The following CAV2 variants were observed in gnomAD, a reference collection of about 807,000 sequenced individuals.
The protein encoded by CAV2 is caveolin-2.
In CAV2, 7 loss-of-function variants were observed where a neutral mutation model predicts 15.5. The ratio of observed to expected loss-of-function variants is 0.45; its 90% CI spans 0.26 to 0.85. The LOEUF is 0.85. CAV2 is among the 40% of genes least tolerant of loss of function. The pLI is 0.18. For synonymous variants in CAV2, 76 were observed against 83.1 expected (o/e 0.91, Z 0.46); for missense variants, 229 against 208.8 (o/e 1.10, Z -0.60).
chr7:116,500,524 C>G (rs1793079151), intron 2 of CAV2, 77 bp downstream of exon 2: 1 of 1,413,598 alleles, frequency 7.1e-7, no homozygotes. Flanking sequence ...CTACTCTCCT[C>G]TTATCCCAGG....
At chr7:116,505,853 C>A in intron 2 of CAV2, 118 bp from the exon 3 acceptor site, 1 of 652,492 alleles carries the variant, frequency 1.5e-6, no homozygotes. Context: ...TTATTTGTTT[C>A]AAACTCTCAA....
chr7:116,506,036 G>A lies in CAV2; in HGVS notation c.404G>A (p.Ser135Asn), dbSNP rs1169887490. 1.9e-6 allele frequency: 3 copies of A among 1,613,654 alleles called. No individual in the cohort carries two copies. Among genetic ancestry groups the A allele is most frequent in the African/African-American group, 1.3e-5 (1 of 74,900 alleles). The change falls in exon 3 of 3, where the codon AGT (serine) becomes AAT (asparagine). Residue 135 changes from serine (S) to asparagine (N), a missense_variant. Transcript: ENST00000222693. ...VLPSVQTIWK[S>N]VTDVIIAPLC... ...CCTTCAGTGCAGACAATATGGAAGAGTGTGACAGATGTTATCATTGCTCCA... is the reference window on the plus strand; with the variant it reads ...CCTTCAGTGCAGACAATATGGAAGAATGTGACAGATGTTATCATTGCTCCA...
rs1415542662 is a variant in CAV2, at chr7:116,499,806, G to A, written c.25G>A (p.Asp9Asn). Reference sequence around the variant, plus strand: ...GATGGGGCTGGAGACGGAGAAGGCGGACGTACAGCTCTTCATGGACGACGA... The same window carrying A: ...GATGGGGCTGGAGACGGAGAAGGCGAACGTACAGCTCTTCATGGACGACGA... MGLETEKA[D>N]VQLFMDDDSY... Residue 9 changes from aspartate to asparagine, a missense_variant, in exon 1 of 3, where the codon GAC (aspartate) becomes AAC (asparagine). By Grantham distance (23) the Asp-to-Asn change is conservative. Coordinates refer to ENST00000222693, the MANE Select transcript of CAV2 (RefSeq NM_001233.5). The A allele has an allele frequency of 1.9e-6, 3 of 1,588,936 alleles. No homozygotes were observed. The highest frequency in any genetic ancestry group is 1.3e-5 in the African/African-American group (1 of 74,118).
intron 2 of CAV2, among the ~76,000 whole-genome samples, chr7:116,501,947 T>G (rs933523173): frequency 3.9e-5 from 6 of 152,250 alleles, no homozygotes; most frequent in African/African-American, 1.2e-4. Context: ...ACTTGAATTT[T>G]TTTTAAGATC....
Position 116,500,282 on chromosome 7 carries a change from C to G in CAV2, c.173C>G (p.Ala58Gly). Residue 58 changes from alanine (A) to glycine (G), a missense_variant, in exon 2 of 3, where the codon GCA becomes GGA. Physicochemically the swap from Ala to Gly is moderately conservative, Grantham distance 60 (BLOSUM62 0). Transcript: ENST00000222693. ...HLKLGFEDVIAEPVTTHSFDK... is the reference protein window; with the variant it reads ...HLKLGFEDVIGEPVTTHSFDK... ...CAGCTGGGCTTCGAGGATGTGATCG[C>G]AGAGCCGGTGACTACGCACTCCTTT... is the stretch of plus-strand genomic sequence containing the variant. The G allele has an allele frequency of 6.2e-7, 1 of 1,614,096 alleles. No homozygotes were observed. The highest frequency in any genetic ancestry group is 8.5e-7 in the Non-Finnish European group (1 of 1,179,956).
intron 2 of CAV2, 138 bp downstream of exon 2, chr7:116,500,585 T>G: frequency 1.3e-6 from 1 of 754,012 alleles, no homozygotes; most frequent in Non-Finnish European, 2.1e-6. Context: ...TAGGAAGAAC[T>G]GGAAGGCCTT....
At chr7:116,500,512 C>G (rs1405268437) in intron 2 of CAV2, 65 bp downstream of exon 2, 8 of 1,479,034 alleles carry the variant, frequency 5.4e-6, no homozygotes, top group African/African-American at 1.4e-5. Flanking sequence ...GCCACCTGCC[C>G]CCTACTCTCC....
chr7:116,505,323 C>G (rs1793208448), intron 2 of CAV2, among the ~76,000 whole-genome samples: 1 of 152,134 alleles, frequency 6.6e-6, no homozygotes, highest in South Asian at 2.1e-4. Flanking sequence ...TTTCAGATAG[C>G]ATGCCACCAG....
At position 116,507,291 on chromosome 7, in the gene CAV2, G is replaced by T. The variant is rs1028411785; in HGVS notation, c.*1170G>T. The T allele has an allele frequency of 1.3e-5, 2 of 152,172 alleles. No individual in the cohort carries two copies. The highest frequency in any genetic ancestry group is 2.9e-5 in the Non-Finnish European group (2 of 68,030). 9.4% of individuals were successfully genotyped at this position (152,172 alleles called of 1,614,324 possible). ...AACTTTTAAGATTTCTCTAATATTGGTATGTAACACAGGATAAAGTTATTC... is the reference window on the plus strand; with the variant it reads ...AACTTTTAAGATTTCTCTAATATTGTTATGTAACACAGGATAAAGTTATTC... On this transcript the variant is annotated 3_prime_UTR_variant, in exon 3 of 3. Coordinates refer to ENST00000222693, the MANE Select transcript of CAV2 (RefSeq NM_001233.5).
chr7:116,500,130 C>T (rs1383942092), intron 1 of CAV2, 130 bp from the exon 2 acceptor site: 8 of 1,487,250 alleles, frequency 5.4e-6, no homozygotes, highest in Middle Eastern at 2.4e-4. Context: ...GTGCGCCCAC[C>T]GTGACCCTAA....
At chr7:116,502,549 C>G (rs763886319) in intron 2 of CAV2, among the ~76,000 whole-genome samples, 2 of 152,164 alleles carry the variant, frequency 1.3e-5, no homozygotes, top group Non-Finnish European at 2.9e-5. Context: ...AGATCAAGGA[C>G]AGACCTTACA....
At chr7:116,505,345 T>G (rs950096526) in intron 2 of CAV2, among the ~76,000 whole-genome samples, 3 of 152,210 alleles carry the variant, frequency 2.0e-5, no homozygotes, top group African/African-American at 7.2e-5. Flanking sequence ...AGAAAGAATA[T>G]TAGTGTTTAT....
Position 116,500,423 on chromosome 7 carries a change from C to T in CAV2, c.314C>T (p.Ala105Val). 6.2e-7 allele frequency: 1 copy of T among 1,613,654 alleles called. No homozygotes were observed. Among genetic ancestry groups the T allele is most frequent in the Non-Finnish European group, 8.5e-7 (1 of 1,179,794 alleles). The change falls in exon 2 of 3, where the codon GCC becomes GTC. Residue 105 changes from alanine (A) to valine (V), a missense_variant. Transcript: ENST00000222693. Reference protein sequence around the residue: ...PLAFIAGILFATLSCLHIWIL... With the variant: ...PLAFIAGILFVTLSCLHIWIL... ...GCCTTCATTGCGGGAATTCTCTTTG[C>T]CACCCTCAGCTGTCTGCACATCTGG...
At chr7:116,503,886 AGAGGGAGG>A (rs149766029) in intron 2 of CAV2, among the ~76,000 whole-genome samples, 5,713 of 71,448 alleles carry the variant, frequency 0.08, 467 homozygotes, top group East Asian at 0.17. Flanking sequence ...AGAAAGAAAG[AGAGGGAGG>A]GAGGGAGGGA....
intron 2 of CAV2, chr7:116,500,786 G>C (rs1272325474): frequency 3.7e-6 from 1 of 267,298 alleles, no homozygotes; most frequent in African/African-American, 2.2e-5. Context: ...TCGTACCTGC[G>C]GTTCTGGGCA....
At chr7:116,499,963 C>A in intron 1 of CAV2, 32 bp downstream of exon 1, 1 of 1,602,602 alleles carries the variant, frequency 6.2e-7, no homozygotes, top group Non-Finnish European at 8.5e-7. Context: ...CCCAAGTCCC[C>A]GCTGAGGCCG....
chr7:116,503,664 A>G (rs1793152571), intron 2 of CAV2, among the ~76,000 whole-genome samples: 1 of 152,054 alleles, frequency 6.6e-6, no homozygotes, highest in Non-Finnish European at 1.5e-5. Context: ...CTCTGTCTCT[A>G]CTAAAAATAC....
chr7:116,503,169 A>T (rs991765501), intron 2 of CAV2, among the ~76,000 whole-genome samples: 2 of 148,350 alleles, frequency 1.3e-5, no homozygotes, highest in Non-Finnish European at 3.0e-5. Flanking sequence ...TAATATATAT[A>T]ATATATATAT....
intron 2 of CAV2, among the ~76,000 whole-genome samples, chr7:116,505,386 AT>A (rs1793209968): frequency 6.6e-6 from 1 of 152,282 alleles, no homozygotes; most frequent in South Asian, 2.1e-4. Context: ...TAGGCAACAT[AT>A]TTTTTGTGCA....
Sources: gnomAD v4.1 joint callset for allele counts (sites outside exome capture counted in the v4.1 genomes callset) on GRCh38, gnomAD v4.1.1 for gene constraint, MANE v1.5 for transcripts, NCBI Gene and HGNC (gene_info 2026-07-23, HGNC 2026-07-21) for gene names.